The following HEATR5A variants were observed in gnomAD, a reference collection of about 807,000 sequenced individuals.
HEATR5A encodes HEAT repeat-containing protein 5A.
HEATR5A carries 178 observed loss-of-function variants against 218.8 expected under a neutral mutation model. The observed-to-expected ratio is 0.81, with a 90% CI of 0.72 to 0.92. The LOEUF (loss-of-function observed/expected upper bound fraction) is 0.92, where lower values mean the gene tolerates loss of function less well. Among genes scored for constraint, HEATR5A ranks in the 40% least tolerant of loss-of-function variants. HEATR5A has a pLI of 0.00. For synonymous variants in HEATR5A, 864 were observed against 871.6 expected, an observed-to-expected ratio of 0.99 and a Z score of 0.15; for missense variants, 2,420 against 2,418.9, an observed-to-expected ratio of 1.00 and a Z score of -0.01.
intron 27 of HEATR5A, among the ~76,000 whole-genome samples, chr14:31,315,126 T>C (rs148440459): frequency 6.6e-6 from 1 of 152,264 alleles, no homozygotes; most frequent in Non-Finnish European, 1.5e-5. Context: ...TGAGCTGAGA[T>C]TGCTCCATTT....
At chr14:31,329,594 T>C (rs1347819152) in intron 22 of HEATR5A, among the ~76,000 whole-genome samples, 1 of 152,226 alleles carries the variant, frequency 6.6e-6, no homozygotes, top group African/African-American at 2.4e-5. Context: ...CCTGTGGCTT[T>C]GCAGGGTATA....
intron 29 of HEATR5A, 95 bp from the exon 30 acceptor site, chr14:31,308,115 A>C: frequency 8.8e-7 from 1 of 1,134,194 alleles, no homozygotes; most frequent in African/African-American, 1.6e-5. Context: ...ATATATAAAC[A>C]AACAGTAAAA....
intron 28 of HEATR5A, among the ~76,000 whole-genome samples, chr14:31,310,151 AT>A (rs147309147): frequency 1.5e-3 from 228 of 151,236 alleles, no homozygotes; most frequent in African/African-American, 5.3e-3. Flanking sequence ...AACATACGCT[AT>A]TTTTTTTTGT....
At chr14:31,336,064 T>C (rs1566758954) in intron 22 of HEATR5A, among the ~76,000 whole-genome samples, 1 of 150,706 alleles carries the variant, frequency 6.6e-6, no homozygotes, top group Non-Finnish European at 1.5e-5. Context: ...CTCAAACTCC[T>C]GGGCTCAAGC....
intron 13 of HEATR5A, among the ~76,000 whole-genome samples, chr14:31,368,135 T>A (rs977090420): frequency 1.3e-5 from 2 of 152,112 alleles, no homozygotes; most frequent in African/African-American, 4.8e-5. Flanking sequence ...AATGGATTAA[T>A]GTCATTATAA....
chr14:31,355,848 T>G (rs527960705), intron 16 of HEATR5A, among the ~76,000 whole-genome samples: 178 of 152,340 alleles, frequency 1.2e-3, no homozygotes, highest in Middle Eastern at 6.8e-3. Context: ...ATCAACTAAT[T>G]TAAAAGACAA....
At chr14:31,356,092 T>C (rs1901416875) in intron 16 of HEATR5A, among the ~76,000 whole-genome samples, 1 of 152,222 alleles carries the variant, frequency 6.6e-6, no homozygotes, top group Non-Finnish European at 1.5e-5. Flanking sequence ...TACATAAATA[T>C]CATATCTGGC....
chr14:31,323,860 A>C, intron 23 of HEATR5A, 56 bp from the exon 24 acceptor site: 3 of 1,182,674 alleles, frequency 2.5e-6, no homozygotes, highest in Non-Finnish European at 3.6e-6. Context: ...ATATATATAT[A>C]TATCAAAAGG....
In HEATR5A at chr14:31,293,546, C is replaced by T; in HGVS notation, c.5900G>A (p.Gly1967Glu). The T allele has an allele frequency of 2.5e-6, 4 of 1,613,694 alleles. No individual in the cohort carries two copies. The highest frequency in any genetic ancestry group is 1.1e-5 in the South Asian group (1 of 90,996). Reference sequence around the variant, plus strand: ...ATTTCTCATTATGGAAGTTGCTGATCCCAGAGAATTTTCATCCAAAAGGAA... The same window carrying T: ...ATTTCTCATTATGGAAGTTGCTGATTCCAGAGAATTTTCATCCAAAAGGAA... ...ISFLLDENSLGSATSIMRNLH... is the reference protein window; with the variant it reads ...ISFLLDENSLESATSIMRNLH... The change falls in exon 36 of 36, where the codon GGA becomes GAA. Residue 1967 changes from glycine (G) to glutamate (E), a missense_variant. Transcript: ENST00000543095.
intron 6 of HEATR5A, among the ~76,000 whole-genome samples, chr14:31,390,772 A>G (rs945463641): frequency 6.6e-6 from 1 of 152,146 alleles, no homozygotes; most frequent in African/African-American, 2.4e-5. Flanking sequence ...TGTAAAGTAC[A>G]TAATACTTGA....
chr14:31,379,771 T>C (rs1439070685), intron 11 of HEATR5A, among the ~76,000 whole-genome samples: 2 of 152,134 alleles, frequency 1.3e-5, no homozygotes, highest in African/African-American at 2.4e-5. Flanking sequence ...CTGGGCAACA[T>C]AGTGAGACCC....
chr14:31,389,724 A>G (rs1294896475), intron 6 of HEATR5A, among the ~76,000 whole-genome samples: 1 of 152,190 alleles, frequency 6.6e-6, no homozygotes, highest in East Asian at 1.9e-4. Flanking sequence ...ACAAGAGTAC[A>G]GAAATAAACT....
At chr14:31,318,838 G>A (rs780250088) in intron 25 of HEATR5A, among the ~76,000 whole-genome samples, 56 of 152,128 alleles carry the variant, frequency 3.7e-4, no homozygotes, top group Non-Finnish European at 3.5e-4. Flanking sequence ...AGCATTGCCT[G>A]GCTCCAGGGA....
chr14:31,315,645 T>C, intron 27 of HEATR5A, 125 bp downstream of exon 27: 1 of 651,008 alleles, frequency 1.5e-6, no homozygotes, highest in Non-Finnish European at 2.5e-6. Flanking sequence ...ATGTTGGAAT[T>C]CTTTTTGTTT....
At chr14:31,419,503 A>C (rs951164945) in intron 1 of HEATR5A, among the ~76,000 whole-genome samples, 1 of 152,240 alleles carries the variant, frequency 6.6e-6, no homozygotes, top group Non-Finnish European at 1.5e-5. Flanking sequence ...TCTTAAGTGT[A>C]CTTGTGGGCC....
chr14:31,315,551 T>G (rs980473477), intron 27 of HEATR5A, among the ~76,000 whole-genome samples: 10 of 152,226 alleles, frequency 6.6e-5, no homozygotes, highest in South Asian at 2.1e-4. Context: ...GGCTCATAAG[T>G]AGCACTGCTT....
intron 22 of HEATR5A, among the ~76,000 whole-genome samples, chr14:31,330,652 G>A (rs547983241): frequency 1.3e-5 from 2 of 151,888 alleles, no homozygotes; most frequent in East Asian, 2.0e-4. Context: ...TTAACTGGGT[G>A]TGGTGGCAGG....
chr14:31,311,634 T>C (rs1467017252), intron 28 of HEATR5A, among the ~76,000 whole-genome samples: 1 of 151,918 alleles, frequency 6.6e-6, no homozygotes, highest in Non-Finnish European at 1.5e-5. Flanking sequence ...GAGAAAATAC[T>C]TACAAGACAT....
chr14:31,406,977 C>CAAAAA (rs58202101), intron 1 of HEATR5A, among the ~76,000 whole-genome samples: 24,814 of 74,172 alleles, frequency 0.33, 6,332 homozygotes, highest in Non-Finnish European at 0.42. Context: ...ACCTCTGTCT[C>CAAAAA]AAAAAAAAAA....
Sources: allele counts gnomAD v4.1 joint callset (sites outside exome capture counted in the v4.1 genomes callset), GRCh38; gene constraint gnomAD v4.1.1; transcripts MANE v1.5; gene names NCBI Gene and HGNC (gene_info 2026-07-23, HGNC 2026-07-21).